The following OR9Q1 variants were observed in gnomAD, a reference collection of about 807,000 sequenced individuals.
OR9Q1 encodes olfactory receptor 9Q1.
For missense variants in OR9Q1, 374 were observed against 378.8 expected (o/e 0.99, Z 0.11); for synonymous variants, 153 against 148.6 (o/e 1.03, Z -0.22).
At chr11:58,047,130 G>T (rs1853224953) in intron 1 of OR9Q1, 2 of 152,176 alleles carry the variant, frequency 1.3e-5, no homozygotes, top group Non-Finnish European at 2.9e-5. Flanking sequence ...CTTTAGCAAG[G>T]TCCCTAATTT....
chr11:58,108,875 T>C (rs968328665), intron 2 of OR9Q1: 4 of 356,874 alleles, frequency 1.1e-5, no homozygotes, highest in African/African-American at 8.6e-5. Flanking sequence ...TTGGCGGAGT[T>C]ACTTCTCTGG....
intron 2 of OR9Q1, among the ~76,000 whole-genome samples, chr11:58,081,795 T>TTC (rs1204761032): frequency 1.5e-5 from 1 of 68,584 alleles, no homozygotes; most frequent in Admixed American, 1.2e-4. Context: ...GATAGTTTCT[T>TTC]TTTTTTTTTT....
At chr11:58,142,770 T>C (rs1854262928) in intron 2 of OR9Q1, among the ~76,000 whole-genome samples, 1 of 152,226 alleles carries the variant, frequency 6.6e-6, no homozygotes. Context: ...GAACCCCATC[T>C]GTATTAGAAT....
chr11:58,143,562 G>A (rs1854270928), intron 2 of OR9Q1, among the ~76,000 whole-genome samples: 1 of 152,244 alleles, frequency 6.6e-6, no homozygotes, highest in South Asian at 2.1e-4. Context: ...ATATTCTTCT[G>A]TCAAAAATAG....
At chr11:58,100,760 T>C (rs568155125) in intron 2 of OR9Q1, among the ~76,000 whole-genome samples, 1 of 152,248 alleles carries the variant, frequency 6.6e-6, no homozygotes, top group Admixed American at 6.5e-5. Context: ...GAATTCTAGG[T>C]GGTCATCAAT....
Position 58,079,482 on chromosome 11 carries a change from T to A in OR9Q1, c.-15+23535T>A, listed in dbSNP as rs184381458. On this transcript the variant is annotated intron_variant, in intron 2 of 2. Transcript: ENST00000335397. ...AGCTCTAAAATAGTTTGTAGGAGAT[T>A]GCAAAAGTGGCCACAATACCTCGAA... 6.7e-3 allele frequency among the ~76,000 whole-genome samples: 1,023 copies of A among 152,250 alleles called. 5 individuals are homozygous for A. The highest frequency in any genetic ancestry group is 0.011 in the South Asian group (53 of 4,816).
At chr11:58,127,642 C>G (rs1161599180) in intron 2 of OR9Q1, among the ~76,000 whole-genome samples, 2 of 152,148 alleles carry the variant, frequency 1.3e-5, no homozygotes, top group Non-Finnish European at 2.9e-5. Context: ...AGAAGGAGAG[C>G]TGTGAGCTCT....
At chr11:58,116,880 C>T (rs187925797) in intron 2 of OR9Q1, 18 of 152,296 alleles carry the variant, frequency 1.2e-4, no homozygotes, top group Admixed American at 1.0e-3. Context: ...TTCATATATT[C>T]ATAAAATAAC....
At chr11:58,170,121 G>T (rs2119945521) in intron 2 of OR9Q1, among the ~76,000 whole-genome samples, 1 of 152,158 alleles carries the variant, frequency 6.6e-6, no homozygotes, top group African/African-American at 2.4e-5. Flanking sequence ...ATCTCTAGAT[G>T]GCTTACCATA....
At position 58,179,880 on chromosome 11, in the gene OR9Q1, G is replaced by T; in HGVS notation, c.436G>T (p.Ala146Ser). ...ACAGCAGGCCCGCTTGAGTCTTGTGGCTGGGGCTTACGTTGCTGGTCTCAT... is the reference window on the plus strand; with the variant it reads ...ACAGCAGGCCCGCTTGAGTCTTGTGTCTGGGGCTTACGTTGCTGGTCTCAT... ...LTQQARLSLV[A>S]GAYVAGLISA... Residue 146 changes from alanine (A) to serine (S), a missense_variant, in exon 3 of 3, where the codon GCT (alanine) becomes TCT (serine). Transcript: ENST00000335397. 1.2e-6 allele frequency: 2 copies of T among 1,614,166 alleles called. No homozygotes were observed. Among genetic ancestry groups the T allele is most frequent in the Non-Finnish European group, 1.7e-6 (2 of 1,180,022 alleles).
chr11:58,091,769 G>A (rs1853686329), intron 2 of OR9Q1, among the ~76,000 whole-genome samples: 2 of 152,084 alleles, frequency 1.3e-5, no homozygotes, highest in South Asian at 4.2e-4. Context: ...TACTGTATGA[G>A]AATCTAAGTC....
At chr11:58,125,244 C>T (rs888993688) in intron 2 of OR9Q1, 1 of 122,016 alleles carries the variant, frequency 8.2e-6, no homozygotes, top group Non-Finnish European at 1.7e-5. Flanking sequence ...CCACCGCCCC[C>T]CCCCCAAAAA....
At position 58,048,885 on chromosome 11, in the gene OR9Q1, G is replaced by C. The variant is rs1853249133; in HGVS notation, c.-92-6985G>C. On this transcript the variant is annotated intron_variant, in intron 1 of 2. Coordinates refer to ENST00000335397, the MANE Select transcript of OR9Q1 (RefSeq NM_001005212.4). ...TTCCTCGACACATACACTCTCCCAA[G>C]ACTAAACCAGGAAGAAGTTGAATCT... Among the ~76,000 whole-genome samples the C allele has an allele frequency of 1.3e-4, 10 of 78,574 alleles. No individual in the cohort carries two copies. The South Asian group carries it at 5.5e-3, about 43-fold the overall frequency. 51.5% of individuals were successfully genotyped at this position (78,574 alleles called of 152,430 possible).
chr11:58,036,503 A>G (rs182648721), intron 1 of OR9Q1, among the ~76,000 whole-genome samples: 2 of 152,234 alleles, frequency 1.3e-5, no homozygotes, highest in Admixed American at 6.5e-5. Context: ...TATAGCTGCC[A>G]TAGATAGTGA....
At chr11:58,142,298 GC>G (rs1488375163) in intron 2 of OR9Q1, among the ~76,000 whole-genome samples, 1 of 151,978 alleles carries the variant, frequency 6.6e-6, no homozygotes, top group Non-Finnish European at 1.5e-5. Flanking sequence ...TTTGTTCCAA[GC>G]AACTAGAAAA....
chr11:58,031,133 A>G (rs752183905), intron 1 of OR9Q1: 1 of 1,614,152 alleles, frequency 6.2e-7, no homozygotes, highest in East Asian at 2.2e-5. Context: ...ACGGAGACCC[A>G]TGTATTTCTT....
chr11:58,057,912 G>A (rs574751767), intron 2 of OR9Q1: 22 of 152,224 alleles, frequency 1.4e-4, no homozygotes, highest in African/African-American at 4.6e-4. Flanking sequence ...AACCTACCAC[G>A]TATATATTAT....
At chr11:58,030,646 C>T (rs1287821034) in intron 1 of OR9Q1, among the ~76,000 whole-genome samples, 2 of 152,176 alleles carry the variant, frequency 1.3e-5, no homozygotes, top group Non-Finnish European at 2.9e-5. Flanking sequence ...ACTTCCTTTT[C>T]AGGTTCAGCT....
rs535974882 is a variant in OR9Q1 at position 58,157,628 on chromosome 11, C to T, written c.-14-21803C>T. 6.6e-5 allele frequency among the ~76,000 whole-genome samples: 10 copies of T among 152,256 alleles called. No homozygotes were observed. In the East Asian group the frequency reaches 1.4e-3, roughly 21 times the overall value. On this transcript the variant is annotated intron_variant, in intron 2 of 2. Coordinates refer to ENST00000335397, the MANE Select transcript of OR9Q1 (RefSeq NM_001005212.4). ...TGGTTGAGGTAGCCTCTGCTTAATGCTACACATCAGGCTTGTAAGTTCTGT... is the reference window on the plus strand; with the variant it reads ...TGGTTGAGGTAGCCTCTGCTTAATGTTACACATCAGGCTTGTAAGTTCTGT...
Sources: gnomAD v4.1 joint callset for allele counts (sites outside exome capture counted in the v4.1 genomes callset) on GRCh38, gnomAD v4.1.1 for gene constraint, MANE v1.5 for transcripts, NCBI Gene and HGNC (gene_info 2026-07-23, HGNC 2026-07-21) for gene names.